Variants in PKHD1L1 observed in about 807,000 individuals in gnomAD.
The protein encoded by PKHD1L1 is fibrocystin-L.
A neutral mutation model predicts 462.9 loss-of-function variants in PKHD1L1; 434 were observed. The observed-to-expected ratio is 0.94, with a 90% CI of 0.87 to 1.02. The LOEUF (loss-of-function observed/expected upper bound fraction) is 1.02. PKHD1L1 is among the 50% of genes least tolerant of loss of function. PKHD1L1 has a pLI of 0.00. For synonymous variants in PKHD1L1, 1,781 were observed against 1,750.0 expected (o/e 1.02, Z -0.44); for missense variants, 5,202 against 5,096.1 (o/e 1.02, Z -0.63).
chr8:109,448,494 C>G (rs1298778214), intron 39 of PKHD1L1, 103 bp downstream of exon 39: 1 of 1,174,602 alleles, frequency 8.5e-7, no homozygotes, highest in African/African-American at 1.6e-5. Context: ...CATAAAATTT[C>G]TAGTGTTTTT....
chr8:109,410,488 G>A (rs28417233), intron 19 of PKHD1L1, among the ~76,000 whole-genome samples: 29,081 of 151,460 alleles, frequency 0.19, 2,903 homozygotes, highest in South Asian at 0.29. Flanking sequence ...AGAGTGGGGC[G>A]GTGCCACCCA....
chr8:109,399,510 A>G (rs1385327685), intron 12 of PKHD1L1, among the ~76,000 whole-genome samples: 1 of 152,128 alleles, frequency 6.6e-6, no homozygotes, highest in Non-Finnish European at 1.5e-5. Context: ...TATTGAGAGT[A>G]TCCTGTTTTT....
intron 67 of PKHD1L1, among the ~76,000 whole-genome samples, chr8:109,499,469 GT>G (rs1446650478): frequency 6.6e-6 from 1 of 152,150 alleles, no homozygotes; most frequent in East Asian, 1.9e-4. Context: ...ACTTTTAAGT[GT>G]TAATTGCAAT....
intron 52 of PKHD1L1, 143 bp downstream of exon 52, chr8:109,476,810 C>A: frequency 1.4e-6 from 1 of 722,442 alleles, no homozygotes; most frequent in South Asian, 2.6e-5. Flanking sequence ...AAACTGGAGA[C>A]AAAATTTATT....
In PKHD1L1 at chr8:109,408,118, C is replaced by A. The variant is rs376107562; in HGVS notation, c.1883C>A (p.Thr628Asn). The A allele has an allele frequency of 3.1e-6, 5 of 1,613,146 alleles. No individual in the cohort carries two copies. In the African/African-American group the frequency reaches 6.7e-5, roughly 22 times the overall value. The change falls in exon 18 of 78, where the codon ACC becomes AAC. Residue 628 changes from threonine (T) to asparagine (N), a missense_variant. Thr to Asn is a moderately conservative substitution (Grantham distance 65). Coordinates refer to ENST00000378402, the MANE Select transcript of PKHD1L1 (RefSeq NM_177531.6). The part of the protein sequence containing the change: ...NNVTLDITEQ[T>N]KGKPNLETFT... ...GTCACACTGGATATTACAGAACAAA[C>A]CAAAGGAAAACCCAACTTGGAGACA... is the stretch of plus-strand genomic sequence containing the variant.
intron 55 of PKHD1L1, 124 bp downstream of exon 55, chr8:109,480,263 A>T: frequency 9.8e-7 from 1 of 1,018,528 alleles, no homozygotes; most frequent in East Asian, 2.7e-5. Flanking sequence ...GCTCTATCCC[A>T]TTAAATGCAA....
In PKHD1L1 at chr8:109,435,352, CA is replaced by C; in HGVS notation, c.3504del (p.Gly1169ValfsTer5). The C allele has an allele frequency of 6.2e-7, 1 of 1,611,318 alleles. No individual in the cohort carries two copies. The highest frequency in any genetic ancestry group is 8.5e-7 in the Non-Finnish European group (1 of 1,178,362). Reference protein sequence around the residue: ...SHIWPDSGSIAGGTLLTLSGF... With the variant: ...SHIWPDSGSIXGGTLLTLSGF... ...ATCTGGCCTGATTCTGGAAGCATAG[CA>C]GGTAATGGTTAATAGTTTAAACAGA... On this transcript the variant is annotated frameshift_variant and splice_region_variant, in exon 29 of 78. Coordinates refer to ENST00000378402, the MANE Select transcript of PKHD1L1 (RefSeq NM_177531.6). LOFTEE classifies it high-confidence loss of function.
Position 109,498,443 on chromosome 8 carries a change from T to C in PKHD1L1, c.10600-19T>C. On this transcript the variant is annotated intron_variant, in intron 65 of 77. Coordinates refer to ENST00000378402, the MANE Select transcript of PKHD1L1 (RefSeq NM_177531.6). ...AGAGCTATTATTAATGCTATATTGT[T>C]TGGCTTATTTCCAAACAGAGCTCAT... 1 of 1,550,392 alleles carries C rather than the reference T, an allele frequency of 6.4e-7. No homozygotes were observed. Among genetic ancestry groups the C allele is most frequent in the Non-Finnish European group, 8.9e-7 (1 of 1,123,158 alleles).
Position 109,473,533 on chromosome 8 carries a change from A to G in PKHD1L1, c.8606-1585A>G, listed in dbSNP as rs139038324. On this transcript the variant is annotated intron_variant, in intron 50 of 77. Coordinates refer to ENST00000378402, the MANE Select transcript of PKHD1L1 (RefSeq NM_177531.6). ...TCCATCTCAAGAAAAAAAAAAAAGA[A>G]AAGAAAAAGAAAGAAAAGAACTCAA... Among the ~76,000 whole-genome samples, 3 of 139,344 alleles carry G rather than the reference A, an allele frequency of 2.2e-5. 1 individual carries two copies. The highest frequency in any genetic ancestry group is 4.2e-4 in the South Asian group (2 of 4,742). The allele number at this position is 139,344 out of a possible 152,430, so 91.4% of individuals were successfully genotyped here.
chr8:109,405,317 T>C (rs746436286), intron 16 of PKHD1L1, among the ~76,000 whole-genome samples, 187 bp downstream of exon 16: 32 of 152,254 alleles, frequency 2.1e-4, no homozygotes, highest in Middle Eastern at 6.8e-3. Context: ...TCCATACAAA[T>C]AACTTTGTGG....
intron 65 of PKHD1L1, among the ~76,000 whole-genome samples, chr8:109,497,753 C>A (rs1819189117): frequency 6.6e-6 from 1 of 151,704 alleles, no homozygotes; most frequent in South Asian, 2.1e-4. Context: ...TATCTCTCCT[C>A]CTCCCTTCCC....
intron 45 of PKHD1L1, among the ~76,000 whole-genome samples, 193 bp downstream of exon 45, chr8:109,455,045 A>G (rs1249522772): frequency 6.6e-6 from 1 of 152,058 alleles, no homozygotes; most frequent in Admixed American, 6.5e-5. Context: ...AGACATCAAG[A>G]CTCAGAACCA....
intron 71 of PKHD1L1, among the ~76,000 whole-genome samples, chr8:109,513,689 C>G (rs555354977): frequency 8.5e-5 from 13 of 152,190 alleles, no homozygotes; most frequent in African/African-American, 3.1e-4. Context: ...CAGGAGACAG[C>G]AGTTCCATCC....
At chr8:109,382,179 T>C (rs989133866) in intron 3 of PKHD1L1, among the ~76,000 whole-genome samples, 3 of 146,974 alleles carry the variant, frequency 2.0e-5, no homozygotes, top group African/African-American at 7.4e-5. Flanking sequence ...TAAATGTTTA[T>C]TATTGCATTT....
At chr8:109,390,848 G>A (rs543865105) in intron 9 of PKHD1L1, among the ~76,000 whole-genome samples, 1 of 151,998 alleles carries the variant, frequency 6.6e-6, no homozygotes, top group South Asian at 2.1e-4. Context: ...AAAACCTCAT[G>A]GTTAATATTA....
At chr8:109,446,266 T>C (rs185011906) in intron 38 of PKHD1L1, among the ~76,000 whole-genome samples, 19 of 152,330 alleles carry the variant, frequency 1.2e-4, no homozygotes, top group African/African-American at 4.3e-4. Context: ...TTCGAGCTAT[T>C]AGAATATATG....
chr8:109,524,182 G>T (rs1480395451), intron 76 of PKHD1L1, among the ~76,000 whole-genome samples: 1 of 152,060 alleles, frequency 6.6e-6, no homozygotes, highest in East Asian at 1.9e-4. Context: ...TGTTCTGTTT[G>T]TCCCAACTCA....
At chr8:109,408,920 C>T (rs1813699299) in intron 18 of PKHD1L1, among the ~76,000 whole-genome samples, 1 of 152,136 alleles carries the variant, frequency 6.6e-6, no homozygotes, top group Admixed American at 6.5e-5. Context: ...ATTCCAAAGA[C>T]AAGAGAAGGA....
intron 65 of PKHD1L1, 108 bp downstream of exon 65, chr8:109,497,380 C>A: frequency 7.7e-7 from 1 of 1,294,070 alleles, no homozygotes; most frequent in African/African-American, 1.5e-5. Flanking sequence ...CTCTGTCTCG[C>A]CCACACCTCC....
Sources: allele counts gnomAD v4.1 joint callset (sites outside exome capture counted in the v4.1 genomes callset), GRCh38; gene constraint gnomAD v4.1.1; transcripts MANE v1.5; gene names NCBI Gene and HGNC (gene_info 2026-07-23, HGNC 2026-07-21).